The following KDM4C variants were observed in gnomAD, a reference collection of about 807,000 sequenced individuals.
The protein encoded by KDM4C is lysine-specific demethylase 4C.
Under a neutral mutation model 129.3 loss-of-function variants are expected in KDM4C, and 81 were observed. The observed-to-expected ratio is 0.63, with a 90% CI of 0.52 to 0.75. The LOEUF (loss-of-function observed/expected upper bound fraction) is 0.75, where lower values mean the gene tolerates loss of function less well. Ranked by LOEUF, KDM4C falls within the 30% of genes least tolerant of loss-of-function variation. The probability of loss-of-function intolerance (pLI) is 0.00; values close to 1 mark genes in which losing one functional copy is unlikely to be tolerated. For synonymous variants in KDM4C, 573 were observed against 456.1 expected, an observed-to-expected ratio of 1.26 and a Z score of -3.26; for missense variants, 1,457 against 1,304.0, an observed-to-expected ratio of 1.12 and a Z score of -1.81.
chr9:7,160,060 C>G (rs1843618874), intron 19 of KDM4C, among the ~76,000 whole-genome samples: 1 of 152,190 alleles, frequency 6.6e-6, no homozygotes, highest in South Asian at 2.1e-4. Flanking sequence ...ACCTTGTCTT[C>G]TCACTTAATT....
intron 18 of KDM4C, among the ~76,000 whole-genome samples, chr9:7,106,160 A>G (rs1489191687): frequency 6.6e-6 from 1 of 152,212 alleles, no homozygotes; most frequent in Non-Finnish European, 1.5e-5. Flanking sequence ...GTGTTTGGGA[A>G]CTAACCAGTA....
At chr9:6,779,542 G>C (rs1015074305) in intron 1 of KDM4C, among the ~76,000 whole-genome samples, 1 of 152,162 alleles carries the variant, frequency 6.6e-6, no homozygotes, top group Non-Finnish European at 1.5e-5. Flanking sequence ...CTCAGTCAAG[G>C]TGCTATGAAC....
rs554733169 is a variant in KDM4C, at chr9:7,121,450, A to G, written c.2611-6616A>G. Among the ~76,000 whole-genome samples the G allele has an allele frequency of 3.0e-4, 45 of 152,276 alleles. 1 individual carries two copies. The highest frequency in any genetic ancestry group is 9.2e-4 in the Admixed American group (14 of 15,280). ...ATCTGTGTACCATTACTTCTGCTAT[A>G]TTCTTTTGGCCAGTGCAAGCTAAGC... On this transcript the variant is annotated intron_variant, in intron 18 of 21. Coordinates refer to ENST00000381309, the MANE Select transcript of KDM4C (RefSeq NM_015061.6).
intron 8 of KDM4C, among the ~76,000 whole-genome samples, chr9:6,939,639 GTTAC>G (rs1825475028): frequency 6.6e-6 from 1 of 152,144 alleles, no homozygotes; most frequent in African/African-American, 2.4e-5. Context: ...AGTGGTTATG[GTTAC>G]TTAGAGCTAT....
At chr9:6,820,480 C>T (rs1159876413) in intron 4 of KDM4C, among the ~76,000 whole-genome samples, 3 of 152,134 alleles carry the variant, frequency 2.0e-5, no homozygotes, top group African/African-American at 7.2e-5. Context: ...TGACCCATGG[C>T]CCCACAGCAG....
intron 8 of KDM4C, among the ~76,000 whole-genome samples, chr9:6,977,311 T>A (rs1377727246): frequency 6.6e-6 from 1 of 152,226 alleles, no homozygotes; most frequent in Admixed American, 6.5e-5. Context: ...CTTTTTAAAT[T>A]TTAAATATTA....
rs145395258 is a variant in KDM4C at position 7,130,735 on chromosome 9, T to G, written c.2781+2499T>G. ...ATTGGAAAGGACGCATCTATCTAAATGTGGGTGAATAGTAATGTCTTTTTT... is the reference window on the plus strand; with the variant it reads ...ATTGGAAAGGACGCATCTATCTAAAGGTGGGTGAATAGTAATGTCTTTTTT... On this transcript the variant is annotated intron_variant, in intron 19 of 21. Transcript: ENST00000381309. Among the ~76,000 whole-genome samples the G allele has an allele frequency of 9.9e-3, 1,504 of 152,190 alleles. 15 individuals carry two copies. Among genetic ancestry groups the G allele is most frequent in the Middle Eastern group, 0.044 (13 of 294 alleles).
chr9:6,873,128 C>G (rs756188988), intron 5 of KDM4C, among the ~76,000 whole-genome samples: 1 of 152,148 alleles, frequency 6.6e-6, no homozygotes, highest in Admixed American at 6.5e-5. Context: ...TCCCGATTAG[C>G]TGAGATTATA....
intron 2 of KDM4C, among the ~76,000 whole-genome samples, chr9:6,802,696 C>G (rs1829233519): frequency 6.6e-6 from 1 of 152,172 alleles, no homozygotes; most frequent in South Asian, 2.1e-4. Context: ...GGTGTGATCT[C>G]AGCTCACTGC....
At chr9:6,804,582 A>C (rs1829622255) in intron 2 of KDM4C, among the ~76,000 whole-genome samples, 2 of 151,546 alleles carry the variant, frequency 1.3e-5, no homozygotes, top group South Asian at 4.2e-4. Context: ...AGATGGTGAA[A>C]CCCTGTCTCT....
At chr9:6,757,756 C>T (rs947395803), upstream of KDM4C, 147 of 985,534 alleles carry the variant, frequency 1.5e-4, no homozygotes, top group Admixed American at 4.9e-4. Context: ...CTGTTTTCTC[C>T]TTCTACGCGA....
Position 7,019,831 on chromosome 9 carries a change from CATAA to C in KDM4C, c.2259+3913_2259+3916del, listed in dbSNP as rs562272068. Among the ~76,000 whole-genome samples the C allele has an allele frequency of 2.2e-4, 32 of 146,572 alleles. No homozygotes were observed. In the East Asian group the frequency reaches 6.1e-3, roughly 28 times the overall value. The stretch of plus-strand genomic sequence containing the variant: ...TCTTATTATTTCACCCATTCCCAGA[CATAA>C]ATAAATAAATTCATACTAAAATGGA... On this transcript the variant is annotated intron_variant, in intron 15 of 21. Transcript: ENST00000381309.
chr9:6,809,046 T>TA (rs1269739331), intron 3 of KDM4C, among the ~76,000 whole-genome samples: 3 of 152,178 alleles, frequency 2.0e-5, no homozygotes, highest in Non-Finnish European at 1.5e-5. Flanking sequence ...TATCTTCCTT[T>TA]AAAAAAATTA....
intron 1 of KDM4C, among the ~76,000 whole-genome samples, chr9:6,788,526 CTT>C (rs1825916158): frequency 6.6e-6 from 1 of 152,182 alleles, no homozygotes; most frequent in Non-Finnish European, 1.5e-5. Flanking sequence ...TTCTAAGTAA[CTT>C]TTCTGTGTTT....
intron 1 of KDM4C, among the ~76,000 whole-genome samples, chr9:6,752,140 T>C (rs1005934220): frequency 6.7e-5 from 10 of 150,166 alleles, no homozygotes; most frequent in Non-Finnish European, 8.8e-5. Flanking sequence ...GAGACCATCC[T>C]GGCTAACACG....
At chr9:6,806,752 C>T (rs1331666070) in intron 3 of KDM4C, among the ~76,000 whole-genome samples, 2 of 152,088 alleles carry the variant, frequency 1.3e-5, no homozygotes, top group African/African-American at 4.8e-5. Context: ...ATGGACTGCT[C>T]TTCATGTCAT....
intron 1 of KDM4C, among the ~76,000 whole-genome samples, chr9:6,767,362 C>T (rs922816625): frequency 6.6e-6 from 1 of 151,770 alleles, no homozygotes; most frequent in East Asian, 2.0e-4. Context: ...AGGATGGTCT[C>T]GAACTCCTGA....
chr9:6,834,723 T>G, intron 4 of KDM4C: 1 of 936,658 alleles, frequency 1.1e-6, no homozygotes, highest in Admixed American at 1.7e-5. Flanking sequence ...CACCACACCT[T>G]CTAAAGGGAG....
chr9:7,082,724 T>C (rs1327716826), intron 17 of KDM4C, among the ~76,000 whole-genome samples: 1 of 152,128 alleles, frequency 6.6e-6, no homozygotes, highest in African/African-American at 2.4e-5. Context: ...GCTGCTTCCT[T>C]GAAGGCAGGA....
Sources: gnomAD v4.1 joint callset for allele counts (sites outside exome capture counted in the v4.1 genomes callset) on GRCh38, gnomAD v4.1.1 for gene constraint, MANE v1.5 for transcripts, NCBI Gene and HGNC (gene_info 2026-07-23, HGNC 2026-07-21) for gene names.